Variants in JPH1 observed in about 807,000 individuals in gnomAD.
The protein encoded by JPH1 is junctophilin 1.
In JPH1, 12 loss-of-function variants were observed where a neutral mutation model predicts 53.6. That is an observed-to-expected ratio of 0.22 (90% CI 0.14 to 0.36). JPH1 has a LOEUF of 0.36. Among genes scored for constraint, JPH1 ranks in the 10% least tolerant of loss-of-function variants. JPH1 has a pLI of 1.00. For synonymous variants in JPH1, 375 were observed against 363.8 expected (o/e 1.03, Z -0.35); for missense variants, 808 against 905.5 (o/e 0.89, Z 1.38).
chr8:74,256,726 G>C (rs1331118730), intron 3 of JPH1, among the ~76,000 whole-genome samples: 1 of 152,160 alleles, frequency 6.6e-6, no homozygotes, highest in Non-Finnish European at 1.5e-5. Context: ...TCTCACACCA[G>C]TTAGAATGGC....
chr8:74,272,679 C>T (rs1391136885), intron 2 of JPH1, among the ~76,000 whole-genome samples: 3 of 150,050 alleles, frequency 2.0e-5, no homozygotes, highest in Non-Finnish European at 4.4e-5. Flanking sequence ...TCTCGACTCA[C>T]TGCAAGCTCC....
At chr8:74,242,225 T>G (rs186039799) in intron 4 of JPH1, among the ~76,000 whole-genome samples, 2 of 152,362 alleles carry the variant, frequency 1.3e-5, no homozygotes, top group East Asian at 3.9e-4. Context: ...TCAGATCTAC[T>G]TGAATATTTC....
intron 2 of JPH1, among the ~76,000 whole-genome samples, chr8:74,282,926 A>C (rs1807053449): frequency 6.6e-6 from 1 of 152,224 alleles, no homozygotes; most frequent in Admixed American, 6.5e-5. Flanking sequence ...GTTCTCTATA[A>C]ATATGTACAA....
intron 2 of JPH1, among the ~76,000 whole-genome samples, chr8:74,299,889 T>C (rs1185737444): frequency 6.6e-6 from 1 of 152,182 alleles, no homozygotes; most frequent in East Asian, 1.9e-4. Context: ...TTTTAAACAA[T>C]AAAGTTTTGT....
Position 74,315,127 on chromosome 8 carries a change from G to A in JPH1, c.873C>T (p.Asn291=), listed in dbSNP as rs768788908. 3 of 1,614,202 alleles carry A rather than the reference G, an allele frequency of 1.9e-6. No homozygotes were observed. Among genetic ancestry groups the A allele is most frequent in the Admixed American group, 1.7e-5 (1 of 60,028 alleles). ...YMGEWKNDKR[N]GFGVSERSNG... The stretch of plus-strand genomic sequence containing the variant: ...TGGAGCGCTCGCTAACGCCGAAGCC[G>A]TTGCGCTTGTCGTTCTTCCACTCGC... Residue 291 remains asparagine, a synonymous_variant, in exon 2 of 6, where the codon AAC becomes AAT. Transcript: ENST00000342232. This position sits in a 1 kb window ranked among gnomAD's most constrained non-coding sequence, Gnocchi z 6.3.
At chr8:74,292,032 G>T (rs1346935869) in intron 2 of JPH1, among the ~76,000 whole-genome samples, 1 of 152,154 alleles carries the variant, frequency 6.6e-6, no homozygotes, top group Non-Finnish European at 1.5e-5. Flanking sequence ...GTCGTGGGGT[G>T]GGGGAGGGGG....
chr8:74,264,895 T>G (rs10504568), intron 2 of JPH1, among the ~76,000 whole-genome samples: 10,688 of 152,216 alleles, frequency 0.07, 955 homozygotes, highest in African/African-American at 0.2. Context: ...GAAAAATGTG[T>G]TCTCTGATCT....
intron 2 of JPH1, among the ~76,000 whole-genome samples, chr8:74,282,105 T>A (rs1807031521): frequency 6.6e-6 from 1 of 152,146 alleles, no homozygotes; most frequent in Admixed American, 6.6e-5. Context: ...CCTATCAGTA[T>A]CCTAAAGTTA....
chr8:74,270,569 A>G (rs1473283694), intron 2 of JPH1, among the ~76,000 whole-genome samples: 3 of 152,192 alleles, frequency 2.0e-5, no homozygotes, highest in Non-Finnish European at 4.4e-5. Context: ...CTTTGGTGCA[A>G]TTTGGGGAGC....
intron 1 of JPH1, among the ~76,000 whole-genome samples, chr8:74,316,109 C>T (rs1042645881): frequency 2.6e-5 from 4 of 152,122 alleles, no homozygotes; most frequent in Non-Finnish European, 5.9e-5. Context: ...AGGCTTAAAT[C>T]GGAATACTTG....
intron 3 of JPH1, among the ~76,000 whole-genome samples, chr8:74,256,049 C>T (rs146120981): frequency 0.018 from 2,673 of 152,234 alleles, 68 homozygotes; most frequent in African/African-American, 0.058. Context: ...TGGGTATATA[C>T]GCAAAGGATT....
chr8:74,242,505 T>G (rs936070936), intron 4 of JPH1, among the ~76,000 whole-genome samples: 1 of 152,222 alleles, frequency 6.6e-6, no homozygotes, highest in Admixed American at 6.5e-5. Flanking sequence ...CTGTGAATTT[T>G]AAAATTATTC....
At position 74,279,783 on chromosome 8, in the gene JPH1, C is replaced by A. The variant is rs182487041; in HGVS notation, c.1140-20280G>T. On this transcript the variant is annotated intron_variant, in intron 2 of 5. Coordinates refer to ENST00000342232, the MANE Select transcript of JPH1 (RefSeq NM_020647.4). ...CCCCTTGGCTTTCCCCTGCCTCCAA[C>A]AACAGCCCTTCAATAAAACCTAAGA... 7.9e-4 allele frequency among the ~76,000 whole-genome samples: 121 copies of A among 152,272 alleles called. 1 individual carries two copies. Among genetic ancestry groups the A allele is most frequent in the Admixed American group, 1.9e-3 (29 of 15,302 alleles).
chr8:74,282,465 A>C (rs907409544), intron 2 of JPH1, among the ~76,000 whole-genome samples: 4 of 152,220 alleles, frequency 2.6e-5, no homozygotes, highest in African/African-American at 9.6e-5. Context: ...ACGAATATGC[A>C]TGCTGAGGTG....
chr8:74,269,056 A>T (rs1455956261), intron 2 of JPH1, among the ~76,000 whole-genome samples: 1 of 152,110 alleles, frequency 6.6e-6, no homozygotes, highest in Admixed American at 6.5e-5. Context: ...CTCACAGTTG[A>T]AAAACATTCT....
intron 3 of JPH1, among the ~76,000 whole-genome samples, chr8:74,255,294 A>G (rs914604005): frequency 6.6e-6 from 1 of 152,108 alleles, no homozygotes; most frequent in Non-Finnish European, 1.5e-5. Context: ...AGAAATGGGG[A>G]AAGGATTCCC....
At position 74,315,096 on chromosome 8, in the gene JPH1, T is replaced by C. The variant is rs755884580; in HGVS notation, c.904A>G (p.Met302Val). The part of the protein sequence containing the change: ...GFGVSERSNG[M>V]KYEGEWANNK... ...TTTGCCCACTCCCCTTCATACTTCA[T>C]GCCATTGGAGCGCTCGCTAACGCCG... is the stretch of plus-strand genomic sequence containing the variant. Residue 302 changes from methionine to valine, a missense_variant, in exon 2 of 6, where the codon ATG becomes GTG. Around this residue, in one of 2 missense-constraint regions of JPH1, gnomAD observed 756 missense variants for 811.9 expected, o/e 0.93. Transcript: ENST00000342232. The surrounding 1 kb of genome is among the most constrained non-coding windows in gnomAD (Gnocchi z 6.3). The C allele has an allele frequency of 6.8e-6, 11 of 1,614,268 alleles. No individual in the cohort carries two copies. Among genetic ancestry groups the C allele is most frequent in the Non-Finnish European group, 9.3e-6 (11 of 1,180,050 alleles).
intron 2 of JPH1, among the ~76,000 whole-genome samples, chr8:74,305,632 C>T (rs1290755496): frequency 6.6e-6 from 1 of 152,240 alleles, no homozygotes; most frequent in East Asian, 1.9e-4. Flanking sequence ...CACAACCTGG[C>T]TTATCATCAT....
chr8:74,318,806 A>T (rs1036451129), intron 1 of JPH1, among the ~76,000 whole-genome samples: 1 of 152,186 alleles, frequency 6.6e-6, no homozygotes, highest in Non-Finnish European at 1.5e-5. Flanking sequence ...TTTTAGTGAT[A>T]TTCCTATTTT....
Sources: gnomAD v4.1 joint callset for allele counts (sites outside exome capture counted in the v4.1 genomes callset) on GRCh38, gnomAD v4.1.1 for gene constraint, gnomAD v4.1.1 regional missense constraint, Gnocchi (gnomAD v3.1) non-coding constraint, MANE v1.5 for transcripts, NCBI Gene and HGNC (gene_info 2026-07-23, HGNC 2026-07-21) for gene names.